Variants in ELP3 observed in about 807,000 individuals in gnomAD.
ELP3 encodes the protein elongator acetyltransferase complex subunit 3.
ELP3 carries 56 observed loss-of-function variants against 74.9 expected under a neutral mutation model. The observed-to-expected ratio is 0.75, with a 90% CI of 0.60 to 0.93. ELP3 has a LOEUF of 0.93. Ranked by LOEUF, ELP3 falls within the 40% of genes least tolerant of loss-of-function variation. ELP3 has a pLI of 0.00. For synonymous variants in ELP3, 222 were observed against 239.8 expected (o/e 0.93, Z 0.68); for missense variants, 573 against 686.5 (o/e 0.83, Z 1.85).
rs1229495404 is a variant in ELP3 at position 28,107,980 on chromosome 8, C to T, written c.393+4C>T. The stretch of plus-strand genomic sequence containing the variant: ...CCAGTCTTACACTGGCTATGAGGTA[C>T]AGTAACTTTGAGGCTGTCCTGATGA... On this transcript the variant is annotated splice_donor_region_variant and intron_variant, in intron 5 of 14. Coordinates refer to ENST00000256398, the MANE Select transcript of ELP3 (RefSeq NM_018091.6). 1 of 1,612,480 alleles carries T rather than the reference C, an allele frequency of 6.2e-7. No individual in the cohort carries two copies. The highest frequency in any genetic ancestry group is 1.3e-5 in the African/African-American group (1 of 74,888).
chr8:28,158,197 A>G (rs575427018), intron 11 of ELP3, among the ~76,000 whole-genome samples: 100 of 152,280 alleles, frequency 6.6e-4, no homozygotes, highest in Non-Finnish European at 1.3e-3. Context: ...CTTTATATAC[A>G]TACTTCTGGA....
chr8:28,175,732 A>C (rs1474099143), intron 14 of ELP3, among the ~76,000 whole-genome samples: 1 of 150,912 alleles, frequency 6.6e-6, no homozygotes, highest in East Asian at 1.9e-4. Context: ...AATTAGTATA[A>C]TGTGGTAACT....
At chr8:28,125,315 G>A (rs1812528273) in intron 7 of ELP3, among the ~76,000 whole-genome samples, 1 of 152,206 alleles carries the variant, frequency 6.6e-6, no homozygotes, top group Non-Finnish European at 1.5e-5. Context: ...GGTTTGAACA[G>A]GTTGAGTATG....
rs551560742 is a variant in ELP3 at position 28,165,598 on chromosome 8, C to A, written c.1567+3520C>A. On this transcript the variant is annotated intron_variant, in intron 14 of 14. Coordinates refer to ENST00000256398, the MANE Select transcript of ELP3 (RefSeq NM_018091.6). ...AGCTTGAGTAAGGGAAAGATAGAATCATTTATCATTTTGGTTACTGTTGTG... is the reference window on the plus strand; with the variant it reads ...AGCTTGAGTAAGGGAAAGATAGAATAATTTATCATTTTGGTTACTGTTGTG... 2.0e-5 allele frequency among the ~76,000 whole-genome samples: 3 copies of A among 152,268 alleles called. No homozygotes were observed. In the East Asian group the frequency reaches 5.8e-4, roughly 29 times the overall value.
At chr8:28,142,012 T>C (rs968271126) in intron 10 of ELP3, among the ~76,000 whole-genome samples, 5 of 152,190 alleles carry the variant, frequency 3.3e-5, no homozygotes, top group African/African-American at 1.2e-4. Context: ...CTGTAACCAG[T>C]GAGTCAAAAG....
At chr8:28,091,955 T>C (rs938981845), upstream of ELP3, among the ~76,000 whole-genome samples, 1 of 152,186 alleles carries the variant, frequency 6.6e-6, no homozygotes, top group Non-Finnish European at 1.5e-5. Flanking sequence ...AAAGTAAACA[T>C]AGAGGAAGGA....
At chr8:28,161,349 G>A (rs1814077886) in intron 13 of ELP3, among the ~76,000 whole-genome samples, 1 of 152,062 alleles carries the variant, frequency 6.6e-6, no homozygotes, top group African/African-American at 2.4e-5. Context: ...TGAGGCAGGG[G>A]GATCACCTGA....
rs1423427802 is a variant in ELP3, at chr8:28,190,539, T to C, written c.*814T>C. The C allele has an allele frequency of 6.6e-6, 1 of 151,646 alleles. No homozygotes were observed. Among genetic ancestry groups the C allele is most frequent in the Non-Finnish European group, 1.5e-5 (1 of 68,030 alleles). The allele number at this position is 151,646 out of a possible 1,614,324, so 9.4% of individuals were successfully genotyped here. On this transcript the variant is annotated 3_prime_UTR_variant, in exon 15 of 15. Coordinates refer to ENST00000256398, the MANE Select transcript of ELP3 (RefSeq NM_018091.6). ...GAGTCTCAGGTTGTGTGCCCCTAAA[T>C]CAAGATTTGCTTCCACAGAAGCCAT... is the stretch of plus-strand genomic sequence containing the variant.
rs112578125 is a variant in ELP3, at chr8:28,174,658, G to A, written c.1567+12580G>A. Among the ~76,000 whole-genome samples the A allele has an allele frequency of 2.2e-3, 327 of 152,092 alleles. 1 individual carries two copies. The highest frequency in any genetic ancestry group is 6.8e-3 in the Middle Eastern group (2 of 294). On this transcript the variant is annotated intron_variant, in intron 14 of 14. Transcript: ENST00000256398. ...TGAATTTGCCTTTTAAATAATATAG[G>A]AAGAAAAGAGGAGTTACAAACCAAA...
Position 28,093,252 on chromosome 8 carries a change from A to T in ELP3, c.19+19A>T. On this transcript the variant is annotated intron_variant, in intron 1 of 14. Transcript: ENST00000256398. ...CGGAAAGGTGCGAAAGGGGAAGGAGATGGGGGAAAGGGGTGGTCCGAAAGG... is the reference window on the plus strand; with the variant it reads ...CGGAAAGGTGCGAAAGGGGAAGGAGTTGGGGGAAAGGGGTGGTCCGAAAGG... The T allele has an allele frequency of 6.2e-7, 1 of 1,612,940 alleles. No homozygotes were observed. The highest frequency in any genetic ancestry group is 8.5e-7 in the Non-Finnish European group (1 of 1,179,820).
At chr8:28,188,767 A>T (rs1336299043) in intron 14 of ELP3, among the ~76,000 whole-genome samples, 1 of 152,220 alleles carries the variant, frequency 6.6e-6, no homozygotes, top group African/African-American at 2.4e-5. Context: ...TCTGTGAGCC[A>T]TTATGACAAA....
chr8:28,097,347 T>G (rs1219152961), intron 2 of ELP3, 29 bp downstream of exon 2: 1 of 1,446,354 alleles, frequency 6.9e-7, no homozygotes, highest in Non-Finnish European at 9.7e-7. Flanking sequence ...AGAGCAAGCT[T>G]GTTCTTAGGT....
chr8:28,119,423 C>CT (rs1206174610), intron 7 of ELP3, among the ~76,000 whole-genome samples: 1 of 151,602 alleles, frequency 6.6e-6, no homozygotes, highest in Non-Finnish European at 1.5e-5. Flanking sequence ...CTTGCGCTGT[C>CT]TTTTTTGATG....
chr8:28,187,009 C>T (rs1289450765), intron 14 of ELP3, among the ~76,000 whole-genome samples: 1 of 152,154 alleles, frequency 6.6e-6, no homozygotes, highest in African/African-American at 2.4e-5. Flanking sequence ...CCACATGCAG[C>T]CTGACTGGAG....
upstream of ELP3, among the ~76,000 whole-genome samples, chr8:28,091,786 G>A (rs1239545044): frequency 6.6e-6 from 1 of 152,120 alleles, no homozygotes; most frequent in Non-Finnish European, 1.5e-5. Context: ...ACACACCCAG[G>A]AAAAAGAGAC....
chr8:28,132,321 A>C lies in ELP3; in HGVS notation c.823A>C (p.Lys275Gln). 6.2e-7 allele frequency: 1 copy of C among 1,614,150 alleles called. No individual in the cohort carries two copies. ...KAVCESFHLAKDSGFKVVAHM... is the reference protein window; with the variant it reads ...KAVCESFHLAQDSGFKVVAHM... ...AGTGTGTGAGTCATTTCACCTGGCCAAAGATTCCGGTTTTAAAGTGGTGGC... is the reference window on the plus strand; with the variant it reads ...AGTGTGTGAGTCATTTCACCTGGCCCAAGATTCCGGTTTTAAAGTGGTGGC... Residue 275 changes from lysine (K) to glutamine (Q), a missense_variant, in exon 9 of 15, where the codon AAA becomes CAA. Transcript: ENST00000256398.
intron 10 of ELP3, among the ~76,000 whole-genome samples, chr8:28,151,109 T>G (rs1330429711): frequency 6.6e-6 from 1 of 152,236 alleles, no homozygotes; most frequent in East Asian, 1.9e-4. Flanking sequence ...CCACAGTTCT[T>G]GGAAATTCTG....
chr8:28,127,474 T>C (rs1469561285), intron 7 of ELP3, among the ~76,000 whole-genome samples: 1 of 152,248 alleles, frequency 6.6e-6, no homozygotes, highest in Non-Finnish European at 1.5e-5. Context: ...TTTTGCTTTC[T>C]GGGGTTTTTT....
chr8:28,138,035 G>A, intron 10 of ELP3, 144 bp downstream of exon 10: 2 of 780,940 alleles, frequency 2.6e-6, no homozygotes, highest in East Asian at 3.0e-5. Flanking sequence ...TAAATAGGGA[G>A]GGATGGAAAT....
Sources: gnomAD v4.1 joint callset for allele counts (sites outside exome capture counted in the v4.1 genomes callset) on GRCh38, gnomAD v4.1.1 for gene constraint, MANE v1.5 for transcripts, NCBI Gene and HGNC (gene_info 2026-07-23, HGNC 2026-07-21) for gene names.